MECOM: variants seen among roughly 807,000 people sequenced by gnomAD.
MECOM encodes histone-lysine N-methyltransferase MECOM.
In MECOM, 13 loss-of-function variants were observed where a neutral mutation model predicts 116.3. The observed-to-expected ratio is 0.11, with a 90% confidence interval of 0.07 to 0.18. The LOEUF (loss-of-function observed/expected upper bound fraction) is 0.18, where lower values mean the gene tolerates loss of function less well. Ranked by LOEUF, MECOM falls within the 10% of genes least tolerant of loss-of-function variation. The pLI is 1.00. For missense variants in MECOM, 1,299 were observed against 1,509.0 expected, an observed-to-expected ratio of 0.86 and a Z score of 2.31; for synonymous variants, 528 against 535.2, an observed-to-expected ratio of 0.99 and a Z score of 0.19.
Position 169,330,996 on chromosome 3 carries a change from T to A in MECOM, c.375+50191A>T, listed in dbSNP as rs987792537. ...AGCTAAAGTATAGGTAAATTTTAGA[T>A]AATGATGTTGATTATTATGCCACCA... On this transcript the variant is annotated intron_variant, in intron 2 of 16. Transcript: ENST00000651503. Among the ~76,000 whole-genome samples, 8 of 152,108 alleles carry A rather than the reference T, an allele frequency of 5.3e-5. No homozygotes were observed. The East Asian group carries it at 1.5e-3, about 29-fold the overall frequency.
chr3:169,164,277 T>C (rs1431879361), intron 2 of MECOM, among the ~76,000 whole-genome samples: 1 of 152,022 alleles, frequency 6.6e-6, no homozygotes, highest in Non-Finnish European at 1.5e-5. Context: ...AAACAGGAGT[T>C]TCCCTGCACA....
intron 1 of MECOM, among the ~76,000 whole-genome samples, chr3:169,546,068 T>C (rs940973102): frequency 1.3e-5 from 2 of 152,230 alleles, no homozygotes; most frequent in South Asian, 2.1e-4. Flanking sequence ...TATTCTTTAA[T>C]GTATTATTGA....
At chr3:169,213,364 T>C (rs778086608) in intron 2 of MECOM, among the ~76,000 whole-genome samples, 6 of 152,156 alleles carry the variant, frequency 3.9e-5, no homozygotes, top group Non-Finnish European at 8.8e-5. Context: ...AAGAAAGGAA[T>C]ATATGAGAAA....
intron 9 of MECOM, 33 bp from the exon 10 acceptor site, chr3:169,107,985 T>G (rs1560161977): frequency 6.3e-7 from 1 of 1,598,716 alleles, no homozygotes; most frequent in Non-Finnish European, 8.6e-7. Context: ...AACAAAAAAT[T>G]ACTTCTGTGT....
intron 2 of MECOM, among the ~76,000 whole-genome samples, chr3:169,357,724 T>C (rs1727505225): frequency 2.0e-5 from 3 of 151,732 alleles, no homozygotes; most frequent in Admixed American, 2.0e-4. Flanking sequence ...GATAGATAAT[T>C]AATTTAACCA....
intron 1 of MECOM, among the ~76,000 whole-genome samples, chr3:169,467,747 A>G (rs1033512102): frequency 1.3e-5 from 2 of 152,150 alleles, no homozygotes; most frequent in Non-Finnish European, 2.9e-5. Flanking sequence ...AAGTCTAGTT[A>G]ATTTAGTTAA....
Position 169,090,241 on chromosome 3 carries a change from C to A in MECOM, c.3165-5G>T. The stretch of plus-strand genomic sequence containing the variant: ...TTAAAATGACTGCCATTCATTCTTT[C>A]AAAAGCATTAAAAAAAAAGTCCAAT... On this transcript the variant is annotated splice_region_variant and splice_polypyrimidine_tract_variant and intron_variant, in intron 14 of 16. Coordinates refer to ENST00000651503, the MANE Select transcript of MECOM (RefSeq NM_004991.4). 1 of 1,585,268 alleles carries A rather than the reference C, an allele frequency of 6.3e-7. No homozygotes were observed. Among genetic ancestry groups the A allele is most frequent in the South Asian group, 1.2e-5 (1 of 85,446 alleles).
intron 1 of MECOM, among the ~76,000 whole-genome samples, chr3:169,539,029 C>CA (rs557219132): frequency 0.017 from 2,331 of 137,448 alleles, 53 homozygotes; most frequent in African/African-American, 0.056. Context: ...TTATAGATTC[C>CA]AAAAAAAAAA....
At chr3:169,627,221 C>T (rs569068775) in intron 1 of MECOM, among the ~76,000 whole-genome samples, 6 of 152,276 alleles carry the variant, frequency 3.9e-5, no homozygotes, top group African/African-American at 1.4e-4. Context: ...GCAAAAATGG[C>T]ACTATGTCGT....
intron 2 of MECOM, among the ~76,000 whole-genome samples, chr3:169,355,439 G>A (rs1402807033): frequency 6.6e-6 from 1 of 151,868 alleles, no homozygotes; most frequent in Non-Finnish European, 1.5e-5. Flanking sequence ...AACTAGGATT[G>A]CAAAGTAATC....
At chr3:169,150,264 A>C (rs1423768638) in intron 2 of MECOM, among the ~76,000 whole-genome samples, 3 of 152,210 alleles carry the variant, frequency 2.0e-5, no homozygotes, top group Non-Finnish European at 4.4e-5. Context: ...TTAGAGGAAA[A>C]GGATTTTGCA....
At chr3:169,241,765 G>A (rs1754838561) in intron 2 of MECOM, among the ~76,000 whole-genome samples, 2 of 152,106 alleles carry the variant, frequency 1.3e-5, no homozygotes, top group Non-Finnish European at 2.9e-5. Context: ...TTTGACCAAT[G>A]TTGCATCACA....
chr3:169,161,880 G>A (rs200571929), intron 2 of MECOM, among the ~76,000 whole-genome samples: 1 of 152,162 alleles, frequency 6.6e-6, no homozygotes, highest in East Asian at 1.9e-4. Flanking sequence ...TGCCAGCTAT[G>A]TGAAAGAGTG....
At chr3:169,656,083 C>T (rs552822274) in intron 1 of MECOM, among the ~76,000 whole-genome samples, 3 of 152,286 alleles carry the variant, frequency 2.0e-5, no homozygotes, top group African/African-American at 7.2e-5. Flanking sequence ...ATGGTTTGCC[C>T]GTGCACAGGG....
chr3:169,532,241 C>A (rs1348111601), intron 1 of MECOM, among the ~76,000 whole-genome samples: 1 of 152,176 alleles, frequency 6.6e-6, no homozygotes, highest in Non-Finnish European at 1.5e-5. Context: ...TGAGAATCTG[C>A]ACTTCTAACA....
intron 2 of MECOM, among the ~76,000 whole-genome samples, chr3:169,177,953 A>G (rs1276755134): frequency 6.6e-6 from 1 of 151,998 alleles, no homozygotes; most frequent in African/African-American, 2.4e-5. Flanking sequence ...AAAAAAGAGA[A>G]AAAGAATGTG....
chr3:169,309,622 T>C (rs1577669796), intron 2 of MECOM, among the ~76,000 whole-genome samples: 2 of 152,228 alleles, frequency 1.3e-5, no homozygotes, highest in East Asian at 3.8e-4. Context: ...TTTATTTCCA[T>C]ATCTGGAATA....
rs143761351 is a variant in MECOM, at chr3:169,537,046, C to T, written c.37+126290G>A. On this transcript the variant is annotated intron_variant, in intron 1 of 16. Coordinates refer to ENST00000651503, the MANE Select transcript of MECOM (RefSeq NM_004991.4). ...CAGATCTTTGTAATTCCCATGCCTA[C>T]ACCCTCTCCACTGGATCTTCCAACA... 5.9e-5 allele frequency among the ~76,000 whole-genome samples: 9 copies of T among 152,322 alleles called. No homozygotes were observed. In the East Asian group the frequency reaches 1.5e-3, roughly 26 times the overall value.
chr3:169,373,441 C>T (rs921624058), intron 2 of MECOM, among the ~76,000 whole-genome samples: 1 of 151,782 alleles, frequency 6.6e-6, no homozygotes, highest in Non-Finnish European at 1.5e-5. Flanking sequence ...AGAAAGATGG[C>T]CCCTATTTAT....
Sources: allele counts gnomAD v4.1 joint callset (sites outside exome capture counted in the v4.1 genomes callset), GRCh38; gene constraint gnomAD v4.1.1; transcripts MANE v1.5; gene names NCBI Gene and HGNC (gene_info 2026-07-23, HGNC 2026-07-21).